PDE6A: variants seen among roughly 807,000 people sequenced by gnomAD.
PDE6A encodes phosphodiesterase 6A, also known as rod cGMP-specific 3',5'-cyclic phosphodiesterase subunit alpha.
A neutral mutation model predicts 106.3 loss-of-function variants in PDE6A; 84 were observed. That is an observed-to-expected ratio of 0.79 (90% CI 0.66 to 0.95). PDE6A has a LOEUF of 0.95. PDE6A is among the 40% of genes least tolerant of loss of function. The pLI is 0.00. For synonymous variants in PDE6A, 394 were observed against 386.6 expected, an observed-to-expected ratio of 1.02 and a Z score of -0.23; for missense variants, 1,052 against 1,084.9, an observed-to-expected ratio of 0.97 and a Z score of 0.43.
At chr5:149,868,073 T>C in intron 18 of PDE6A, 22 bp downstream of exon 18, 2 of 1,611,500 alleles carry the variant, frequency 1.2e-6, no homozygotes, top group Non-Finnish European at 1.7e-6. Context: ...GCCCCTCCTC[T>C]TGGGTCAGCA....
chr5:149,937,301 G>A (rs1405614774), intron 1 of PDE6A, among the ~76,000 whole-genome samples: 1 of 152,256 alleles, frequency 6.6e-6, no homozygotes, highest in African/African-American at 2.4e-5. Context: ...GGGCAAGGAA[G>A]TTAAAGAGGC....
rs1760209083 is a variant in PDE6A, at chr5:149,863,244, T to G, written c.2381A>C (p.Glu794Ala). 1 of 1,614,178 alleles carries G rather than the reference T, an allele frequency of 6.2e-7. No individual in the cohort carries two copies. Among genetic ancestry groups the G allele is most frequent in the Non-Finnish European group, 8.5e-7 (1 of 1,180,020 alleles). ...GATCCCGTCCAACATTGGGGTGATC[T>G]CCTCGTGGAAACGGGAGAATTCCTA... The part of the protein sequence containing the change: ...VYKEFSRFHE[E>A]ITPMLDGITN... The change falls in exon 21 of 22, where the codon GAG becomes GCG. Residue 794 changes from glutamate to alanine, a missense_variant. Around this residue, in one of 3 missense-constraint regions of PDE6A, gnomAD observed 135 missense variants for 153.2 expected, o/e 0.88. Transcript: ENST00000255266. The surrounding 1 kb of genome is among the most constrained non-coding windows in gnomAD (Gnocchi z 4.7).
chr5:149,889,704 G>A (rs906379639), intron 13 of PDE6A, among the ~76,000 whole-genome samples: 7 of 152,116 alleles, frequency 4.6e-5, no homozygotes, highest in South Asian at 4.1e-4. Flanking sequence ...TCAGGAGTTC[G>A]AGATCAGCCT....
chr5:149,923,665 C>T lies in PDE6A; in HGVS notation c.859-1956G>A, dbSNP rs561838641. On this transcript the variant is annotated intron_variant, in intron 4 of 21. Transcript: ENST00000255266. Reference sequence around the variant, plus strand: ...GCAAAGGAGCTGCACAGTCATGCAGCCTCAGGAGAGGCCAACTGAGAACCA... The same window carrying T: ...GCAAAGGAGCTGCACAGTCATGCAGTCTCAGGAGAGGCCAACTGAGAACCA... Among the ~76,000 whole-genome samples the T allele has an allele frequency of 4.6e-5, 7 of 152,212 alleles. No homozygotes were observed. In the South Asian group the frequency reaches 6.2e-4, roughly 14 times the overall value.
chr5:149,871,759 T>C (rs1760565206), intron 17 of PDE6A, among the ~76,000 whole-genome samples: 1 of 152,118 alleles, frequency 6.6e-6, no homozygotes, highest in South Asian at 2.1e-4. Flanking sequence ...CGTGGCCACA[T>C]TTGTATTTCA....
intron 17 of PDE6A, among the ~76,000 whole-genome samples, chr5:149,877,477 T>G (rs985551672): frequency 6.6e-6 from 1 of 152,186 alleles, no homozygotes; most frequent in Non-Finnish European, 1.5e-5. Flanking sequence ...CGGTGCAATC[T>G]TAGCTCACTG....
rs749933626 is a variant in PDE6A, at chr5:149,896,490, G to C, written c.1486C>G (p.Pro496Ala). 15 of 1,614,108 alleles carry C rather than the reference G, an allele frequency of 9.3e-6. No individual in the cohort carries two copies. Among genetic ancestry groups the C allele is most frequent in the Non-Finnish European group, 1.2e-5 (14 of 1,180,024 alleles). Residue 496 changes from proline (P) to alanine (A), a missense_variant, in exon 12 of 22, where the codon CCA becomes GCA. Pro to Ala is a conservative substitution (Grantham distance 27). Coordinates refer to ENST00000255266, the MANE Select transcript of PDE6A (RefSeq NM_000440.3). The part of the protein sequence containing the change: ...ELAEILQAEL[P>A]DADKYEINKF... ...TTAATTTCGTATTTATCTGCATCTG[G>C]CAGCTCCGCTTGCTGTATAAGGAAT...
intron 13 of PDE6A, among the ~76,000 whole-genome samples, chr5:149,894,659 G>A (rs1027800998): frequency 1.6e-5 from 2 of 122,894 alleles, no homozygotes; most frequent in African/African-American, 6.7e-5. Flanking sequence ...TTGAGACAGA[G>A]TCTCACTCTG....
At chr5:149,910,988 T>A (rs1753366132) in intron 6 of PDE6A, among the ~76,000 whole-genome samples, 1 of 146,748 alleles carries the variant, frequency 6.8e-6, no homozygotes, top group Non-Finnish European at 1.5e-5. Flanking sequence ...CAAGTGATCC[T>A]CCTGCCTCAG....
At chr5:149,928,319 C>G (rs1753930406) in intron 4 of PDE6A, among the ~76,000 whole-genome samples, 1 of 144,860 alleles carries the variant, frequency 6.9e-6, no homozygotes, top group Non-Finnish European at 1.5e-5. Context: ...CTCACTGCAA[C>G]CTCCACCTCC....
intron 13 of PDE6A, among the ~76,000 whole-genome samples, chr5:149,894,057 T>G (rs1385270209): frequency 6.6e-6 from 1 of 152,166 alleles, no homozygotes; most frequent in Non-Finnish European, 1.5e-5. Flanking sequence ...TAAAGCTGAT[T>G]ATACATTAGA....
At chr5:149,879,656 A>G (rs1273057364) in intron 17 of PDE6A, among the ~76,000 whole-genome samples, 1 of 137,192 alleles carries the variant, frequency 7.3e-6, no homozygotes, top group African/African-American at 2.8e-5. Flanking sequence ...ATTCCCACCT[A>G]TGAGTGAGAA....
intron 11 of PDE6A, 90 bp downstream of exon 11, chr5:149,896,619 GGA>G: frequency 6.2e-7 from 1 of 1,613,682 alleles, no homozygotes; most frequent in South Asian, 1.1e-5. Flanking sequence ...AGAGTGATGG[GGA>G]ACATGCTTTG....
At chr5:149,891,339 G>C (rs1752538246) in intron 13 of PDE6A, among the ~76,000 whole-genome samples, 1 of 152,108 alleles carries the variant, frequency 6.6e-6, no homozygotes. Flanking sequence ...GGGTGGTGAC[G>C]CGTGCCTGTA....
At chr5:149,899,875 T>C (rs1752903526) in intron 8 of PDE6A, among the ~76,000 whole-genome samples, 1 of 152,136 alleles carries the variant, frequency 6.6e-6, no homozygotes, top group Non-Finnish European at 1.5e-5. Flanking sequence ...AAAAGGGCAA[T>C]GCTATGATTC....
intron 13 of PDE6A, among the ~76,000 whole-genome samples, chr5:149,888,876 G>T (rs1581170450): frequency 6.6e-6 from 1 of 151,878 alleles, no homozygotes; most frequent in Admixed American, 6.6e-5. Context: ...GAGGTCAGGA[G>T]ATCGAGACCA....
intron 4 of PDE6A, among the ~76,000 whole-genome samples, chr5:149,926,426 G>A (rs1282769116): frequency 6.6e-6 from 1 of 152,008 alleles, no homozygotes; most frequent in Admixed American, 6.6e-5. Flanking sequence ...TGGGCCAATT[G>A]GATGCTTGTA....
At chr5:149,884,982 T>C (rs1344202275) in intron 14 of PDE6A, 115 bp from the exon 15 acceptor site, 2 of 862,116 alleles carry the variant, frequency 2.3e-6, no homozygotes, top group African/African-American at 1.6e-5. Context: ...GAGTTACTTT[T>C]GGGTCGTGAA....
In PDE6A at chr5:149,916,573, A is replaced by G. The variant is rs1319196680; in HGVS notation, c.934-1566T>C. 2.0e-5 allele frequency among the ~76,000 whole-genome samples: 3 copies of G among 152,078 alleles called. No individual in the cohort carries two copies. The East Asian group carries it at 5.8e-4, about 29-fold the overall frequency. On this transcript the variant is annotated intron_variant, in intron 5 of 21. Transcript: ENST00000255266. Reference sequence around the variant, plus strand: ...GCCTCCTTGCATTGTTAAAATTCCCATTCTCTTAAAGCAGAGCTCTTCAAT... The same window carrying G: ...GCCTCCTTGCATTGTTAAAATTCCCGTTCTCTTAAAGCAGAGCTCTTCAAT...
Sources: gnomAD v4.1 joint callset for allele counts (sites outside exome capture counted in the v4.1 genomes callset) on GRCh38, gnomAD v4.1.1 for gene constraint, gnomAD v4.1.1 regional missense constraint, Gnocchi (gnomAD v3.1) non-coding constraint, MANE v1.5 for transcripts, NCBI Gene and HGNC (gene_info 2026-07-23, HGNC 2026-07-21) for gene names.